The following GALNT11 variants were observed in gnomAD, a reference collection of about 807,000 sequenced individuals.
The protein encoded by GALNT11 is polypeptide N-acetylgalactosaminyltransferase 11, also known as UDP-GalNAc:polypeptide N-acetylgalactosaminyltransferase 11.
GALNT11 carries 47 observed loss-of-function variants against 72.7 expected under a neutral mutation model. The ratio of observed to expected loss-of-function variants is 0.65; its 90% CI spans 0.51 to 0.82. The LOEUF is 0.82. GALNT11 is among the 40% of genes least tolerant of loss of function. GALNT11 has a pLI of 0.00. For missense variants in GALNT11, 677 were observed against 778.4 expected (o/e 0.87, Z 1.55); for synonymous variants, 270 against 286.6 (o/e 0.94, Z 0.58).
At chr7:152,096,603 T>C (rs1407464172) in intron 2 of GALNT11, among the ~76,000 whole-genome samples, 3 of 151,470 alleles carry the variant, frequency 2.0e-5, no homozygotes, top group African/African-American at 7.3e-5. Flanking sequence ...TAATCCCAGC[T>C]ACTCGGGAGG....
rs924570075 is a variant in GALNT11 at position 152,107,844 on chromosome 7, C to A, written c.713-194C>A. ...CCCTCAATCACAGCAGGACACTGCA[C>A]GCAGCATTACTGGCTGAGGGACGTC... On this transcript the variant is annotated intron_variant, in intron 5 of 11. Transcript: ENST00000430044. The A allele has an allele frequency of 9.5e-5, 55 of 581,830 alleles. 1 individual carries two copies. In the Admixed American group the frequency reaches 1.5e-3, roughly 16 times the overall value. 36.0% of individuals were successfully genotyped at this position (581,830 alleles called of 1,614,324 possible).
At chr7:152,100,665 C>G (rs769819885) in intron 2 of GALNT11, 133 bp from the exon 3 acceptor site, 2 of 1,119,782 alleles carry the variant, frequency 1.8e-6, no homozygotes, top group Non-Finnish European at 2.5e-6. Context: ...AACCTAGAGA[C>G]AACCTAAGTT....
intron 1 of GALNT11, among the ~76,000 whole-genome samples, chr7:152,092,214 T>G (rs542277506): frequency 3.3e-5 from 5 of 152,240 alleles, no homozygotes; most frequent in Admixed American, 3.3e-4. Context: ...TTTTAGGGAG[T>G]TATAATGTCT....
intron 1 of GALNT11, among the ~76,000 whole-genome samples, chr7:152,034,940 G>A (rs182471356): frequency 6.6e-6 from 1 of 152,108 alleles, no homozygotes; most frequent in African/African-American, 2.4e-5. Flanking sequence ...TCGAAAACCT[G>A]TTAGGGTCCT....
At chr7:152,099,400 G>A (rs1267392355) in intron 2 of GALNT11, among the ~76,000 whole-genome samples, 9 of 149,350 alleles carry the variant, frequency 6.0e-5, no homozygotes, top group African/African-American at 2.0e-4. Context: ...ACAAAGTCTT[G>A]CTCTGCAGGC....
chr7:152,088,809 A>T (rs1167213416), intron 1 of GALNT11, among the ~76,000 whole-genome samples: 1 of 152,170 alleles, frequency 6.6e-6, no homozygotes, highest in Non-Finnish European at 1.5e-5. Flanking sequence ...GGTGTTATGC[A>T]TTTATGTTTT....
chr7:152,105,259 G>C lies in GALNT11; in HGVS notation c.601G>C (p.Glu201Gln). The C allele has an allele frequency of 6.2e-7, 1 of 1,613,530 alleles. No individual in the cohort carries two copies. Among genetic ancestry groups the C allele is most frequent in the South Asian group, 1.1e-5 (1 of 90,926 alleles). The change falls in exon 5 of 12, where the codon GAA becomes CAA. Residue 201 changes from glutamate (E) to glutamine (Q), a missense_variant. Physicochemically the swap from Glu to Gln is conservative, Grantham distance 29. Coordinates refer to ENST00000430044, the MANE Select transcript of GALNT11 (RefSeq NM_022087.4). ...DDSDFDDLKGELDEYVQKYLP... is the reference protein window; with the variant it reads ...DDSDFDDLKGQLDEYVQKYLP... Reference sequence around the variant, plus strand: ...TTTATTTTCAGATGATTTGAAAGGAGAACTAGATGAATATGTCCAAAAATA... The same window carrying C: ...TTTATTTTCAGATGATTTGAAAGGACAACTAGATGAATATGTCCAAAAATA...
chr7:152,088,516 G>GTT (rs35740522), intron 1 of GALNT11, among the ~76,000 whole-genome samples: 1,460 of 139,938 alleles, frequency 0.01, 28 homozygotes, highest in African/African-American at 0.036. Flanking sequence ...TGGTTTCAGG[G>GTT]TTTTTTTTTT....
At chr7:152,118,609 A>G (rs2089117763) in intron 9 of GALNT11, 69 bp from the exon 10 acceptor site, 2 of 1,408,616 alleles carry the variant, frequency 1.4e-6, no homozygotes, top group Admixed American at 2.2e-5. Context: ...TTTGCCTGGA[A>G]CCACCTCCAG....
chr7:152,092,199 G>C (rs373231104), intron 1 of GALNT11, among the ~76,000 whole-genome samples: 1 of 152,142 alleles, frequency 6.6e-6, no homozygotes, highest in Non-Finnish European at 1.5e-5. Flanking sequence ...TACCCTAAGC[G>C]AACATTTTAG....
rs2086256214 is a variant in GALNT11, at chr7:152,094,558, G to A, written c.295+36G>A. ...GATGTTTACCAGCATCCATATCAATGTATTTAATCACTGGAAGTTTGATTA... is the reference window on the plus strand; with the variant it reads ...GATGTTTACCAGCATCCATATCAATATATTTAATCACTGGAAGTTTGATTA... On this transcript the variant is annotated intron_variant, in intron 2 of 11. Transcript: ENST00000430044. The surrounding 1 kb of genome is among the most constrained non-coding windows in gnomAD (Gnocchi z 4.3). 3 of 1,530,712 alleles carry A rather than the reference G, an allele frequency of 2.0e-6. No individual in the cohort carries two copies. Among genetic ancestry groups the A allele is most frequent in the Admixed American group, 2.2e-5 (1 of 46,218 alleles). The allele number at this position is 1,530,712 out of a possible 1,614,324, so 94.8% of individuals were successfully genotyped here.
intron 1 of GALNT11, among the ~76,000 whole-genome samples, chr7:152,029,772 A>G (rs1353299931): frequency 6.6e-6 from 1 of 152,206 alleles, no homozygotes; most frequent in African/African-American, 2.4e-5. Context: ...CCCAGGAGGA[A>G]CCATCTATGG....
chr7:152,106,738 T>C (rs749463125), intron 5 of GALNT11, among the ~76,000 whole-genome samples: 4 of 152,172 alleles, frequency 2.6e-5, no homozygotes, highest in Non-Finnish European at 5.9e-5. Context: ...CAGGTCCTCA[T>C]TGAGATATAG....
At chr7:152,043,138 T>C (rs1476656304) in intron 1 of GALNT11, among the ~76,000 whole-genome samples, 2 of 152,238 alleles carry the variant, frequency 1.3e-5, no homozygotes, top group Admixed American at 1.3e-4. Context: ...TGCTATATGG[T>C]CTCCAGGCTT....
intron 1 of GALNT11, among the ~76,000 whole-genome samples, chr7:152,042,008 G>A (rs2082883942): frequency 6.6e-6 from 1 of 152,190 alleles, no homozygotes; most frequent in Non-Finnish European, 1.5e-5. Flanking sequence ...GCAGCACAAA[G>A]TATATCATGC....
At chr7:152,038,530 C>T (rs531952242) in intron 1 of GALNT11, among the ~76,000 whole-genome samples, 47 of 152,350 alleles carry the variant, frequency 3.1e-4, no homozygotes, top group Admixed American at 2.3e-3. Flanking sequence ...AAGGCCATCA[C>T]GAGCATGTCA....
At chr7:152,058,174 T>C (rs1466478865) in intron 1 of GALNT11, among the ~76,000 whole-genome samples, 2 of 152,114 alleles carry the variant, frequency 1.3e-5, no homozygotes, top group Non-Finnish European at 2.9e-5. Flanking sequence ...AAAAGCCCAA[T>C]GTGCATGCCT....
In GALNT11 at chr7:152,049,205, T is replaced by C. The variant is rs960618985; in HGVS notation, c.-39+23321T>C. On this transcript the variant is annotated intron_variant, in intron 1 of 11. Transcript: ENST00000430044. ...AGGATGTTTGTTGGTTCCTAGGCAT[T>C]GAAGAGTTAGGTATTTATCGTAGTC... Among the ~76,000 whole-genome samples the C allele has an allele frequency of 2.0e-5, 3 of 152,300 alleles. No homozygotes were observed. In the East Asian group the frequency reaches 5.8e-4, roughly 29 times the overall value.
At position 152,025,849 on chromosome 7, in the gene GALNT11, C is replaced by G. The variant is rs936842496; in HGVS notation, c.-74C>G. ...GGAGAGAAGATGCCGCAGCCCGAGT[C>G]CCAGAAGGCGGCGATCCTGGGCTGC... On this transcript the variant is annotated 5_prime_UTR_variant, in exon 1 of 12. Transcript: ENST00000430044. The G allele has an allele frequency of 3.5e-6, 1 of 284,824 alleles. No homozygotes were observed. Among genetic ancestry groups the G allele is most frequent in the Non-Finnish European group, 7.6e-6 (1 of 131,930 alleles). The allele number at this position is 284,824 out of a possible 1,614,324, so 17.6% of individuals were successfully genotyped here. A position where few individuals can be genotyped will look rare whatever the true frequency, so the allele number is the denominator to read the frequency against.
Sources: allele counts gnomAD v4.1 joint callset (sites outside exome capture counted in the v4.1 genomes callset), GRCh38; gene constraint gnomAD v4.1.1; non-coding constraint Gnocchi (gnomAD v3.1); transcripts MANE v1.5; gene names NCBI Gene and HGNC (gene_info 2026-07-23, HGNC 2026-07-21).